CNTLN: variants seen among roughly 807,000 people sequenced by gnomAD.
The protein encoded by CNTLN is centlein, centrosomal protein.
Under a neutral mutation model 180.0 loss-of-function variants are expected in CNTLN, and 212 were observed. The ratio of observed to expected loss-of-function variants is 1.18; its 90% CI spans 1.05 to 1.32. The LOEUF (loss-of-function observed/expected upper bound fraction) is 1.32, where lower values mean the gene tolerates loss of function less well. Ranked by LOEUF, CNTLN falls within the 40% of genes most tolerant of loss-of-function variation. CNTLN has a pLI of 0.00. For synonymous variants in CNTLN, 722 were observed against 563.1 expected, an observed-to-expected ratio of 1.28 and a Z score of -3.99; for missense variants, 2,095 against 1,610.9, an observed-to-expected ratio of 1.30 and a Z score of -5.14.
intron 6 of CNTLN, among the ~76,000 whole-genome samples, chr9:17,275,753 G>C (rs981938077): frequency 3.3e-5 from 5 of 152,070 alleles, no homozygotes; most frequent in Admixed American, 2.6e-4. Flanking sequence ...AATAAAGCAA[G>C]AATATCCTTG....
chr9:17,146,305 T>G (rs1293146079), intron 2 of CNTLN, among the ~76,000 whole-genome samples: 1 of 152,194 alleles, frequency 6.6e-6, no homozygotes, highest in Non-Finnish European at 1.5e-5. Flanking sequence ...TCTCATGTTT[T>G]CCATCTTTTT....
intron 5 of CNTLN, among the ~76,000 whole-genome samples, chr9:17,253,953 G>C (rs1303684624): frequency 4.6e-5 from 7 of 151,354 alleles, no homozygotes; most frequent in Non-Finnish European, 1.0e-4. Context: ...CATGTTCTTT[G>C]TTTGCCTAGT....
chr9:17,162,269 C>T (rs1012962945), intron 2 of CNTLN, among the ~76,000 whole-genome samples: 3 of 152,126 alleles, frequency 2.0e-5, no homozygotes, highest in East Asian at 1.9e-4. Flanking sequence ...CACCCACCAC[C>T]GTGCCCAGCT....
intron 5 of CNTLN, among the ~76,000 whole-genome samples, chr9:17,239,890 A>C (rs890035316): frequency 1.3e-5 from 2 of 152,116 alleles, no homozygotes; most frequent in East Asian, 1.9e-4. Context: ...AAGTTTTGAA[A>C]TTGGGGTATA....
chr9:17,355,038 A>G (rs1822718525), intron 12 of CNTLN, among the ~76,000 whole-genome samples: 1 of 151,912 alleles, frequency 6.6e-6, no homozygotes, highest in African/African-American at 2.4e-5. Flanking sequence ...ACCCACCAGA[A>G]GGAAGAAACT....
intron 10 of CNTLN, among the ~76,000 whole-genome samples, chr9:17,338,337 G>GTTTTTTGT (rs1554691996): frequency 4.0e-5 from 4 of 100,436 alleles, no homozygotes; most frequent in Non-Finnish European, 7.3e-5. Flanking sequence ...GCTAATTTTT[G>GTTTTTTGT]TTTTTTTTTT....
chr9:17,444,204 C>T (rs1367536274), intron 18 of CNTLN: 1 of 152,156 alleles, frequency 6.6e-6, no homozygotes, highest in African/African-American at 2.4e-5. Context: ...CAGACCAGAC[C>T]AGCTTTCTCC....
At chr9:17,261,925 G>T (rs1484920209) in intron 5 of CNTLN, among the ~76,000 whole-genome samples, 1 of 151,588 alleles carries the variant, frequency 6.6e-6, no homozygotes, top group African/African-American at 2.4e-5. Flanking sequence ...GACATGAACA[G>T]ACACTTCTCC....
At chr9:17,291,670 C>G (rs1410395996) in intron 6 of CNTLN, among the ~76,000 whole-genome samples, 3 of 152,114 alleles carry the variant, frequency 2.0e-5, no homozygotes, top group Non-Finnish European at 1.5e-5. Flanking sequence ...ATATTTTCCT[C>G]CATTCCTTTA....
chr9:17,416,888 C>T (rs762374916), intron 18 of CNTLN, among the ~76,000 whole-genome samples: 2 of 150,430 alleles, frequency 1.3e-5, no homozygotes, highest in African/African-American at 2.5e-5. Flanking sequence ...AAATTTATTT[C>T]ATTATATTAG....
At chr9:17,151,499 A>T (rs1012059042) in intron 2 of CNTLN, among the ~76,000 whole-genome samples, 4 of 152,246 alleles carry the variant, frequency 2.6e-5, no homozygotes, top group African/African-American at 9.6e-5. Context: ...CTTGCATCCC[A>T]GGGATGAAGC....
At chr9:17,337,592 TCATGAATG>T (rs1821139152) in intron 10 of CNTLN, among the ~76,000 whole-genome samples, 4 of 152,202 alleles carry the variant, frequency 2.6e-5, no homozygotes, top group Non-Finnish European at 5.9e-5. Context: ...GTCTGGCACA[TCATGAATG>T]ACATATGGAG....
At chr9:17,295,595 G>C (rs547641175) in intron 6 of CNTLN, among the ~76,000 whole-genome samples, 1 of 152,106 alleles carries the variant, frequency 6.6e-6, no homozygotes, top group Admixed American at 6.5e-5. Context: ...TCTTCTTGGT[G>C]GGGGGCCTCC....
chr9:17,356,715 C>T (rs1384927356), intron 12 of CNTLN, among the ~76,000 whole-genome samples: 1 of 152,132 alleles, frequency 6.6e-6, no homozygotes, highest in Non-Finnish European at 1.5e-5. Context: ...TTTAGCAGAA[C>T]ACACATGGCT....
chr9:17,143,612 T>G (rs1276048649), intron 2 of CNTLN, among the ~76,000 whole-genome samples: 4 of 152,216 alleles, frequency 2.6e-5, no homozygotes, highest in African/African-American at 9.7e-5. Context: ...AGCTAAGAGA[T>G]AAAACTATGT....
intron 5 of CNTLN, among the ~76,000 whole-genome samples, chr9:17,268,190 G>A (rs200396846): frequency 6.6e-6 from 1 of 152,082 alleles, no homozygotes; most frequent in Non-Finnish European, 1.5e-5. Flanking sequence ...GTCTTTGATG[G>A]TGGTGACTTA....
At chr9:17,527,417 A>T in the CNTLN span, among the ~76,000 whole-genome samples, 1 of 152,378 alleles carries the variant, frequency 6.6e-6, no homozygotes, top group East Asian at 1.9e-4. Context: ...CCTTAAATAG[A>T]TAGAAGCTCT....
chr9:17,135,554 T>C, intron 1 of CNTLN, 129 bp downstream of exon 1: 1 of 1,235,744 alleles, frequency 8.1e-7, no homozygotes, highest in Non-Finnish European at 1.1e-6. Context: ...ATGCACACCC[T>C]GCTTCGCTCG....
chr9:17,506,817 G>T (rs1833940762), downstream of CNTLN, among the ~76,000 whole-genome samples: 2 of 152,130 alleles, frequency 1.3e-5, no homozygotes, highest in Admixed American at 6.5e-5. Context: ...ATGGGCAGAA[G>T]AGTTGCTATT....
Sources: allele counts gnomAD v4.1 joint callset (sites outside exome capture counted in the v4.1 genomes callset), GRCh38; gene constraint gnomAD v4.1.1; transcripts MANE v1.5; gene names NCBI Gene and HGNC (gene_info 2026-07-23, HGNC 2026-07-21).